Variants in CHRNB3 observed in about 807,000 individuals in gnomAD.
CHRNB3 encodes neuronal acetylcholine receptor subunit beta-3.
Under a neutral mutation model 40.6 loss-of-function variants are expected in CHRNB3, and 37 were observed. The ratio of observed to expected loss-of-function variants is 0.91; its 90% CI spans 0.70 to 1.20. CHRNB3 has a LOEUF of 1.20. Among genes scored for constraint, CHRNB3 ranks in the 50% most tolerant of loss-of-function variants. The pLI is 0.00. For missense variants in CHRNB3, 505 were observed against 551.2 expected (o/e 0.92, Z 0.84); for synonymous variants, 207 against 207.1 (o/e 1.00, Z 0.00).
chr8:42,697,481 C>T lies in CHRNB3; in HGVS notation c.-66C>T. On this transcript the variant is annotated 5_prime_UTR_variant, in exon 1 of 6. Transcript: ENST00000289957. ...CCCCTGTATTTTCTTTTCAAAACCCCCTTTTCCAGTGGAAATGCTCTGTTG... is the reference window on the plus strand; with the variant it reads ...CCCCTGTATTTTCTTTTCAAAACCCTCTTTTCCAGTGGAAATGCTCTGTTG... 1 of 1,415,794 alleles carries T rather than the reference C, an allele frequency of 7.1e-7. No individual in the cohort carries two copies. The highest frequency in any genetic ancestry group is 1.0e-6 in the Non-Finnish European group (1 of 1,000,964). The allele number at this position is 1,415,794 out of a possible 1,614,324, so 87.7% of individuals were successfully genotyped here. A position where few individuals can be genotyped will look rare whatever the true frequency, so the allele number is the denominator to read the frequency against.
rs1816534028 is a variant in CHRNB3, at chr8:42,736,853, G to A, written c.*235G>A. 1 of 557,312 alleles carries A rather than the reference G, an allele frequency of 1.8e-6. No individual in the cohort carries two copies. The highest frequency in any genetic ancestry group is 3.2e-6 in the Non-Finnish European group (1 of 316,148). 34.5% of individuals were successfully genotyped at this position (557,312 alleles called of 1,614,324 possible). A position where few individuals can be genotyped will look rare whatever the true frequency, so the allele number is the denominator to read the frequency against. On this transcript the variant is annotated 3_prime_UTR_variant, in exon 6 of 6. Coordinates refer to ENST00000289957, the MANE Select transcript of CHRNB3 (RefSeq NM_000749.5). ...TCAGACCCCTGCCTTGGCTTTCCCA[G>A]ACATTCAGGGAGGGATCATAGGTCC...
At chr8:42,728,707 T>C (rs1211433421) in intron 3 of CHRNB3, among the ~76,000 whole-genome samples, 1 of 152,078 alleles carries the variant, frequency 6.6e-6, no homozygotes, top group Non-Finnish European at 1.5e-5. Flanking sequence ...CAGGAGGGGT[T>C]GATTACAAAA....
At position 42,736,804 on chromosome 8, in the gene CHRNB3, G is replaced by T; in HGVS notation, c.*186G>T. 1.4e-6 allele frequency: 1 copy of T among 711,738 alleles called. No individual in the cohort carries two copies. The highest frequency in any genetic ancestry group is 2.3e-6 in the Non-Finnish European group (1 of 434,018). 44.1% of individuals were successfully genotyped at this position (711,738 alleles called of 1,614,324 possible). Reference sequence around the variant, plus strand: ...TTTGTGGTTGCCATGAGAGTGAGCTGCTTTTAAAGAAAGTGGAGCCTCCTC... The same window carrying T: ...TTTGTGGTTGCCATGAGAGTGAGCTTCTTTTAAAGAAAGTGGAGCCTCCTC... On this transcript the variant is annotated 3_prime_UTR_variant, in exon 6 of 6. Transcript: ENST00000289957.
Position 42,703,435 on chromosome 8 carries a change from A to AAAAAAATATATATATATATATATATAT in CHRNB3, c.53-5281_53-5280insAAAAATATATATATATATATATATATA. The stretch of plus-strand genomic sequence containing the variant: ...CAAGACTTCGTCTAAAAAAAAAAAA[A>AAAAAAATATATATATATATATATATAT]ATATTTATATATATATATATATATA... On this transcript the variant is annotated intron_variant, in intron 1 of 5. Transcript: ENST00000289957. 9.5e-3 allele frequency among the ~76,000 whole-genome samples: 446 copies of AAAAAAATATATATATATATATATATAT among 47,144 alleles called. 62 individuals carry two copies. Among genetic ancestry groups the AAAAAAATATATATATATATATATATAT allele is most frequent in the Non-Finnish European group, 0.012 (264 of 21,382 alleles). The allele number at this position is 47,144 out of a possible 152,430, so 30.9% of individuals were successfully genotyped here.
chr8:42,733,508 C>T lies in CHRNB3; in HGVS notation c.1242+959C>T, dbSNP rs1258835545. On this transcript the variant is annotated intron_variant, in intron 5 of 5. Coordinates refer to ENST00000289957, the MANE Select transcript of CHRNB3 (RefSeq NM_000749.5). The stretch of plus-strand genomic sequence containing the variant: ...AAAATACAAACATGCACAGTGTACC[C>T]AGCACACAGGGGCTCAGCTCCGTTG... Among the ~76,000 whole-genome samples, 3 of 151,714 alleles carry T rather than the reference C, an allele frequency of 2.0e-5. No individual in the cohort carries two copies. In the East Asian group the frequency reaches 5.8e-4, roughly 29 times the overall value.
chr8:42,736,698 C>A lies in CHRNB3; in HGVS notation c.*80C>A. 1 of 1,526,584 alleles carries A rather than the reference C, an allele frequency of 6.6e-7. No homozygotes were observed. Among genetic ancestry groups the A allele is most frequent in the Non-Finnish European group, 9.0e-7 (1 of 1,108,178 alleles). The allele number at this position is 1,526,584 out of a possible 1,614,324, so 94.6% of individuals were successfully genotyped here. On this transcript the variant is annotated 3_prime_UTR_variant, in exon 6 of 6. Transcript: ENST00000289957. ...CACAGACAGAATCCAAATGCATGTG[C>A]TTGTTCTACGAACCCCGAATGCGTT... is the stretch of plus-strand genomic sequence containing the variant.
At chr8:42,709,321 C>T (rs1815972332) in intron 2 of CHRNB3, among the ~76,000 whole-genome samples, 1 of 152,164 alleles carries the variant, frequency 6.6e-6, no homozygotes, top group Admixed American at 6.5e-5. Flanking sequence ...CCCTAGGCAG[C>T]CCCGTCACCT....
At chr8:42,705,383 C>G (rs1332002676) in intron 1 of CHRNB3, among the ~76,000 whole-genome samples, 1 of 152,156 alleles carries the variant, frequency 6.6e-6, no homozygotes, top group Non-Finnish European at 1.5e-5. Context: ...GAAATTTGAC[C>G]CCCAACGCAG....
chr8:42,714,291 T>A (rs1376594597), intron 3 of CHRNB3, among the ~76,000 whole-genome samples: 4 of 151,766 alleles, frequency 2.6e-5, no homozygotes, highest in Non-Finnish European at 5.9e-5. Context: ...GTCAGGAGAT[T>A]GAGACCATCC....
At position 42,731,664 on chromosome 8, in the gene CHRNB3, CA is replaced by C; in HGVS notation, c.360-2del. ...TGCTAAGGTGAAACTGCTTTGATTG[CA>C]GTGCTGACGGCCGCTTCGAAGGCTC... On this transcript the variant is annotated splice_acceptor_variant, in intron 4 of 5. Transcript: ENST00000289957. LOFTEE classifies it high-confidence loss of function. 1 of 1,591,640 alleles carries C rather than the reference CA, an allele frequency of 6.3e-7. No individual in the cohort carries two copies. Among genetic ancestry groups the C allele is most frequent in the Non-Finnish European group, 8.6e-7 (1 of 1,169,452 alleles).
Position 42,697,478 on chromosome 8 carries a change from C to T in CHRNB3, c.-69C>T. ...GAACCCCTGTATTTTCTTTTCAAAA[C>T]CCCCTTTTCCAGTGGAAATGCTCTG... On this transcript the variant is annotated 5_prime_UTR_variant, in exon 1 of 6. Transcript: ENST00000289957. The T allele has an allele frequency of 1.4e-6, 2 of 1,383,490 alleles. No individual in the cohort carries two copies. The highest frequency in any genetic ancestry group is 1.0e-6 in the Non-Finnish European group (1 of 972,408). 85.7% of individuals were successfully genotyped at this position (1,383,490 alleles called of 1,614,324 possible).
intron 3 of CHRNB3, among the ~76,000 whole-genome samples, chr8:42,719,816 T>C (rs1258154160): frequency 6.6e-6 from 1 of 152,124 alleles, no homozygotes; most frequent in Non-Finnish European, 1.5e-5. Context: ...GTTGTACAGC[T>C]AGTAAAGCAC....
rs374931914 is a variant in CHRNB3 at position 42,717,960 on chromosome 8, G to A, written c.249+7526G>A. ...TGATTCTCCCACCTCATCCTCCTGA[G>A]TAGCTGTGATTACAGGCATGTGCCA... On this transcript the variant is annotated intron_variant, in intron 3 of 5. Transcript: ENST00000289957. Among the ~76,000 whole-genome samples the A allele has an allele frequency of 5.3e-5, 8 of 151,662 alleles. No individual in the cohort carries two copies. The South Asian group carries it at 1.0e-3, about 20-fold the overall frequency.
intron 4 of CHRNB3, among the ~76,000 whole-genome samples, chr8:42,731,345 G>C (rs1054567233): frequency 1.3e-5 from 2 of 152,238 alleles, no homozygotes; most frequent in East Asian, 1.9e-4. Context: ...CATGAGGTCA[G>C]GAGTTCGGGA....
intron 2 of CHRNB3, among the ~76,000 whole-genome samples, chr8:42,709,266 CAG>C (rs1245427499): frequency 1.3e-5 from 2 of 152,110 alleles, no homozygotes; most frequent in Non-Finnish European, 2.9e-5. Flanking sequence ...TGCAGGGAGA[CAG>C]GGTGGTAACA....
chr8:42,700,563 A>G (rs1003740670), intron 1 of CHRNB3, among the ~76,000 whole-genome samples: 6 of 151,654 alleles, frequency 4.0e-5, no homozygotes. Flanking sequence ...TAGGAGATCC[A>G]CCCGCTCCGG....
chr8:42,697,642 A>G (rs770056303), intron 1 of CHRNB3, 44 bp downstream of exon 1: 22 of 1,484,512 alleles, frequency 1.5e-5, no homozygotes, highest in Non-Finnish European at 2.1e-5. Context: ...TTGCAGAATT[A>G]TTTAAGCAGA....
chr8:42,697,382 G>T lies in CHRNB3; in HGVS notation c.-165G>T. ...GTGCACTTTGAGAAGCGGCACACTC[G>T]GCGAGAGGGGTTGAGATTGTTTTAT... On this transcript the variant is annotated 5_prime_UTR_variant, in exon 1 of 6. Transcript: ENST00000289957. 1 of 590,012 alleles carries T rather than the reference G, an allele frequency of 1.7e-6. No individual in the cohort carries two copies. The highest frequency in any genetic ancestry group is 3.1e-6 in the Non-Finnish European group (1 of 326,736). The allele number at this position is 590,012 out of a possible 1,614,324, so 36.5% of individuals were successfully genotyped here. A position where few individuals can be genotyped will look rare whatever the true frequency, so the allele number is the denominator to read the frequency against.
chr8:42,734,670 C>T (rs1404880327), intron 5 of CHRNB3, among the ~76,000 whole-genome samples: 2 of 151,666 alleles, frequency 1.3e-5, no homozygotes, highest in Non-Finnish European at 2.9e-5. Flanking sequence ...CCGCCCACCT[C>T]GGCCTCCCAA....
Sources: gnomAD v4.1 joint callset for allele counts (sites outside exome capture counted in the v4.1 genomes callset) on GRCh38, gnomAD v4.1.1 for gene constraint, MANE v1.5 for transcripts, NCBI Gene and HGNC (gene_info 2026-07-23, HGNC 2026-07-21) for gene names.